Variants in MAST4 observed in about 807,000 individuals in gnomAD.
MAST4 encodes microtubule-associated serine/threonine-protein kinase 4.
Under a neutral mutation model 162.7 loss-of-function variants are expected in MAST4, and 89 were observed. The observed-to-expected ratio is 0.55, with a 90% confidence interval of 0.46 to 0.65. The LOEUF (loss-of-function observed/expected upper bound fraction) is 0.65. Ranked by LOEUF, MAST4 falls within the 30% of genes least tolerant of loss-of-function variation. The probability of loss-of-function intolerance (pLI) is 0.00; values close to 1 mark genes in which losing one functional copy is unlikely to be tolerated. For missense variants in MAST4, 3,153 were observed against 3,374.0 expected (o/e 0.93, Z 1.62); for synonymous variants, 1,479 against 1,361.1 (o/e 1.09, Z -1.91).
intron 4 of MAST4, among the ~76,000 whole-genome samples, chr5:66,999,383 A>G (rs972838429): frequency 1.3e-5 from 2 of 152,170 alleles, no homozygotes; most frequent in Non-Finnish European, 2.9e-5. Context: ...TCTAATTATC[A>G]ATCATACATA....
intron 3 of MAST4, among the ~76,000 whole-genome samples, chr5:66,882,486 T>C (rs1363293449): frequency 6.6e-6 from 1 of 152,230 alleles, no homozygotes; most frequent in Non-Finnish European, 1.5e-5. Flanking sequence ...GACTTAACTG[T>C]ACTGATCATT....
At chr5:67,057,720 C>T (rs1210851377) in intron 5 of MAST4, among the ~76,000 whole-genome samples, 1 of 151,022 alleles carries the variant, frequency 6.6e-6, no homozygotes, top group Non-Finnish European at 1.5e-5. Flanking sequence ...ACTAGTGTAC[C>T]TCTCTTACAA....
chr5:67,006,650 A>G (rs1752075031), intron 4 of MAST4, among the ~76,000 whole-genome samples: 1 of 152,154 alleles, frequency 6.6e-6, no homozygotes, highest in South Asian at 2.1e-4. Context: ...GAACCCGTAG[A>G]GCAGTTGGAG....
chr5:66,814,012 T>C (rs1756599625), intron 3 of MAST4, among the ~76,000 whole-genome samples: 2 of 152,192 alleles, frequency 1.3e-5, no homozygotes, highest in South Asian at 2.1e-4. Context: ...AGTTGAACAC[T>C]TTCTGCTTCA....
chr5:66,924,498 G>T (rs554257837), intron 4 of MAST4, among the ~76,000 whole-genome samples: 21 of 151,614 alleles, frequency 1.4e-4, no homozygotes, highest in Non-Finnish European at 2.5e-4. Flanking sequence ...GGTTCACGCC[G>T]TTCTCCTGCC....
At chr5:66,607,730 C>G (rs1375558329) in intron 1 of MAST4, among the ~76,000 whole-genome samples, 2 of 152,198 alleles carry the variant, frequency 1.3e-5, no homozygotes, top group Non-Finnish European at 2.9e-5. Flanking sequence ...CTCTGATCCT[C>G]ATCTGTGATG....
At chr5:67,064,301 G>T (rs1359898236) in intron 5 of MAST4, among the ~76,000 whole-genome samples, 1 of 152,160 alleles carries the variant, frequency 6.6e-6, no homozygotes, top group Non-Finnish European at 1.5e-5. Context: ...GAATCCAAGA[G>T]CAGACGGGTG....
At chr5:67,043,231 C>A (rs80315842) in intron 4 of MAST4, among the ~76,000 whole-genome samples, 1 of 152,112 alleles carries the variant, frequency 6.6e-6, no homozygotes, top group African/African-American at 2.4e-5. Context: ...TTAAATAGTT[C>A]TAGTGGTAGC....
intron 4 of MAST4, among the ~76,000 whole-genome samples, chr5:67,048,499 T>G (rs557667904): frequency 5.9e-5 from 9 of 152,280 alleles, no homozygotes; most frequent in Admixed American, 2.0e-4. Context: ...CAGTAACATA[T>G]TAAAACAGGT....
chr5:66,998,789 C>T (rs980617058), intron 4 of MAST4, among the ~76,000 whole-genome samples: 1 of 152,156 alleles, frequency 6.6e-6, no homozygotes, highest in African/African-American at 2.4e-5. Context: ...AGCTCTTACT[C>T]TAATAGGGAC....
At chr5:66,873,301 C>T (rs958745189) in intron 3 of MAST4, among the ~76,000 whole-genome samples, 1 of 152,184 alleles carries the variant, frequency 6.6e-6, no homozygotes, top group African/African-American at 2.4e-5. Context: ...ATTACTTGGA[C>T]AGTAAATGGC....
intron 5 of MAST4, among the ~76,000 whole-genome samples, chr5:67,077,752 C>A (rs1308769961): frequency 6.6e-6 from 1 of 152,144 alleles, no homozygotes; most frequent in Non-Finnish European, 1.5e-5. Context: ...CTATCTTGCT[C>A]CTTATAAGAA....
rs1367918649 is a variant in MAST4, at chr5:66,849,510, C to T, written c.643-50441C>T. 2.6e-5 allele frequency among the ~76,000 whole-genome samples: 4 copies of T among 152,234 alleles called. No homozygotes were observed. The East Asian group carries it at 5.8e-4, about 22-fold the overall frequency. On this transcript the variant is annotated intron_variant, in intron 3 of 28. Transcript: ENST00000403625. ...CTGTCCTTTTTCATTTACTCCATCT[C>T]CTCCTTTCCTGGAGTTCACTTGAGC...
chr5:66,920,390 A>G (rs185950850), intron 4 of MAST4, among the ~76,000 whole-genome samples: 8 of 152,356 alleles, frequency 5.3e-5, no homozygotes, highest in East Asian at 1.9e-4. Context: ...GTTAATTTTA[A>G]GGTAAAATTG....
chr5:66,883,407 T>C (rs1761820189), intron 3 of MAST4, among the ~76,000 whole-genome samples: 1 of 147,700 alleles, frequency 6.8e-6, no homozygotes, highest in Non-Finnish European at 1.5e-5. Context: ...GGCACAGTTG[T>C]GTTGTTCTGT....
intron 7 of MAST4, among the ~76,000 whole-genome samples, chr5:67,096,387 T>G (rs1297160371): frequency 6.6e-6 from 1 of 152,118 alleles, no homozygotes; most frequent in Non-Finnish European, 1.5e-5. Context: ...AGAAACAAGG[T>G]GGTCATTTAG....
At chr5:66,674,055 C>T (rs1367711127) in intron 1 of MAST4, among the ~76,000 whole-genome samples, 4 of 152,152 alleles carry the variant, frequency 2.6e-5, no homozygotes, top group African/African-American at 9.7e-5. Flanking sequence ...CAGAAGAGAA[C>T]TTAGATACAT....
At chr5:66,652,421 T>G (rs1243398198) in intron 1 of MAST4, among the ~76,000 whole-genome samples, 1 of 152,192 alleles carries the variant, frequency 6.6e-6, no homozygotes, top group Non-Finnish European at 1.5e-5. Flanking sequence ...ATTAAAAAAG[T>G]TCATTAGCTT....
intron 4 of MAST4, among the ~76,000 whole-genome samples, chr5:67,021,282 T>C (rs1197312063): frequency 6.6e-6 from 1 of 152,148 alleles, no homozygotes; most frequent in African/African-American, 2.4e-5. Context: ...CTGACTTGAA[T>C]TGAATGTTGT....
Sources: allele counts gnomAD v4.1 joint callset (sites outside exome capture counted in the v4.1 genomes callset), GRCh38; gene constraint gnomAD v4.1.1; transcripts MANE v1.5; gene names NCBI Gene and HGNC (gene_info 2026-07-23, HGNC 2026-07-21).